GMEB1: variants seen among roughly 807,000 people sequenced by gnomAD.
GMEB1 encodes glucocorticoid modulatory element-binding protein 1.
In GMEB1, 6 loss-of-function variants were observed where a neutral mutation model predicts 52.4. The ratio of observed to expected loss-of-function variants is 0.11; its 90% confidence interval spans 0.06 to 0.23. GMEB1 has a LOEUF of 0.23. GMEB1 is among the 10% of genes least tolerant of loss of function. GMEB1 has a pLI of 1.00. For missense variants in GMEB1, 486 were observed against 685.6 expected (o/e 0.71, Z 3.25); for synonymous variants, 255 against 244.9 (o/e 1.04, Z -0.38).
rs566728569 is a variant in GMEB1 at position 28,711,265 on chromosome 1, G to A, written c.991+623G>A. On this transcript the variant is annotated intron_variant, in intron 9 of 9. Coordinates refer to ENST00000373816, the MANE Select transcript of GMEB1 (RefSeq NM_001319674.2). ...AGTGCCATTGTACTCCATCCTGAGGGACAAGAACGAGACTCTGTCTCAAAA... is the reference window on the plus strand; with the variant it reads ...AGTGCCATTGTACTCCATCCTGAGGAACAAGAACGAGACTCTGTCTCAAAA... Among the ~76,000 whole-genome samples, 18 of 145,202 alleles carry A rather than the reference G, an allele frequency of 1.2e-4. No homozygotes were observed. The East Asian group carries it at 3.7e-3, about 29-fold the overall frequency.
chr1:28,714,056 T>A lies in GMEB1; in HGVS notation c.992-17T>A. Reference sequence around the variant, plus strand: ...TTTTACTTCCCTCTACACAAAGTCTTTTCTTTTTTTCCATAGACTTGGAAC... The same window carrying A: ...TTTTACTTCCCTCTACACAAAGTCTATTCTTTTTTTCCATAGACTTGGAAC... On this transcript the variant is annotated splice_polypyrimidine_tract_variant and intron_variant, in intron 9 of 9. Transcript: ENST00000373816. 6.3e-7 allele frequency: 1 copy of A among 1,585,072 alleles called. No individual in the cohort carries two copies. Among genetic ancestry groups the A allele is most frequent in the South Asian group, 1.1e-5 (1 of 89,754 alleles).
At chr1:28,697,200 TG>T in intron 6 of GMEB1, 116 bp downstream of exon 6, 1 of 205,576 alleles carries the variant, frequency 4.9e-6, no homozygotes, top group Non-Finnish European at 9.5e-6. Context: ...TATATATATA[TG>T]TATTTTTTTA....
At chr1:28,668,760 T>TAGCTGCCGTGGCGGC (rs1553133564), upstream of GMEB1, 3 of 151,558 alleles carry the variant, frequency 2.0e-5, no homozygotes, top group African/African-American at 4.9e-5. Flanking sequence ...GCGGTGGCGG[T>TAGCTGCCGTGGCGGC]AGCTGCCGTG....
Position 28,701,992 on chromosome 1 carries a change from A to C in GMEB1, c.599-446A>C, listed in dbSNP as rs538065295. Among the ~76,000 whole-genome samples, 7 of 152,280 alleles carry C rather than the reference A, an allele frequency of 4.6e-5. 1 individual carries two copies. In the South Asian group the frequency reaches 1.5e-3, roughly 32 times the overall value. On this transcript the variant is annotated intron_variant, in intron 6 of 9. Transcript: ENST00000373816. ...CTTTATAGGCTAATAAATAAGTTAG[A>C]TGCTTAGCATCAGACTTGCTTGTAG... is the stretch of plus-strand genomic sequence containing the variant.
chr1:28,699,485 A>G (rs867030147), intron 6 of GMEB1, among the ~76,000 whole-genome samples: 2 of 151,882 alleles, frequency 1.3e-5, no homozygotes, highest in Non-Finnish European at 2.9e-5. Context: ...GCTGGAGTGC[A>G]ATGGTGCAAT....
chr1:28,696,203 A>T (rs1021950451), intron 5 of GMEB1, among the ~76,000 whole-genome samples: 2 of 151,698 alleles, frequency 1.3e-5, no homozygotes, highest in African/African-American at 2.4e-5. Flanking sequence ...ATTAGCTGGG[A>T]CTACAGGCCT....
chr1:28,678,429 C>G (rs914194377), intron 1 of GMEB1, among the ~76,000 whole-genome samples: 18 of 151,818 alleles, frequency 1.2e-4, no homozygotes, highest in African/African-American at 4.1e-4. Context: ...CCTGCCTCAG[C>G]CTCCCGAGTA....
intron 2 of GMEB1, among the ~76,000 whole-genome samples, chr1:28,687,334 T>TCACACACA (rs1161076315): frequency 1.5e-4 from 8 of 54,118 alleles, no homozygotes; most frequent in African/African-American, 4.3e-4. Flanking sequence ...AGACCCTATC[T>TCACACACA]CACACACACA....
In GMEB1 at chr1:28,717,402, C is replaced by T. The variant is rs574421907; in HGVS notation, c.*2629C>T. On this transcript the variant is annotated 3_prime_UTR_variant, in exon 10 of 10. Coordinates refer to ENST00000373816, the MANE Select transcript of GMEB1 (RefSeq NM_001319674.2). The stretch of plus-strand genomic sequence containing the variant: ...ACGGGGTTTTGCCATGTTGGCCAGG[C>T]TGGTCTTGAACTCCTGACCTCAAGC... 2.0e-5 allele frequency: 3 copies of T among 152,330 alleles called. No homozygotes were observed. The highest frequency in any genetic ancestry group is 7.2e-5 in the African/African-American group (3 of 41,576). 9.4% of individuals were successfully genotyped at this position (152,330 alleles called of 1,614,324 possible).
rs1424768102 is a variant in GMEB1, at chr1:28,715,153, G to T, written c.*380G>T. The T allele has an allele frequency of 1.6e-5, 3 of 187,350 alleles. No individual in the cohort carries two copies. In the East Asian group the frequency reaches 3.8e-4, roughly 24 times the overall value. The allele number at this position is 187,350 out of a possible 1,614,324, so 11.6% of individuals were successfully genotyped here. On this transcript the variant is annotated 3_prime_UTR_variant, in exon 10 of 10. Transcript: ENST00000373816. ...TGACCAAACTCTGGAACACAGATCT[G>T]ACACTGGAAGGCAACCCACTCGCAT...
intron 8 of GMEB1, among the ~76,000 whole-genome samples, chr1:28,706,135 A>G (rs1670751700): frequency 6.6e-6 from 1 of 150,684 alleles, no homozygotes; most frequent in South Asian, 2.1e-4. Context: ...GCCCAAGCGG[A>G]AGAGCGAGAG....
chr1:28,706,871 T>G (rs998989921), intron 8 of GMEB1, among the ~76,000 whole-genome samples: 8 of 151,840 alleles, frequency 5.3e-5, no homozygotes, highest in African/African-American at 1.9e-4. Flanking sequence ...TTCACCATGT[T>G]GGCCAGGCTC....
Position 28,714,494 on chromosome 1 carries a change from T to A in GMEB1, c.1413T>A (p.Asp471Glu). The A allele has an allele frequency of 6.2e-7, 1 of 1,614,160 alleles. No homozygotes were observed. The highest frequency in any genetic ancestry group is 1.1e-5 in the South Asian group (1 of 91,082). The change falls in exon 10 of 10, where the codon GAT becomes GAA. Residue 471 changes from aspartate (D) to glutamate (E), a missense_variant. Transcript: ENST00000373816. ...LALLSSTAMQ[D>E]GSTLGNMTTM... ...TGCTGAGCTCTACTGCCATGCAGGATGGGAGTACACTGGGCAACATGACCA... is the reference window on the plus strand; with the variant it reads ...TGCTGAGCTCTACTGCCATGCAGGAAGGGAGTACACTGGGCAACATGACCA...
At chr1:28,702,148 C>A (rs947397381) in intron 6 of GMEB1, among the ~76,000 whole-genome samples, 2 of 152,114 alleles carry the variant, frequency 1.3e-5, no homozygotes, top group African/African-American at 4.8e-5. Context: ...CAATCTCTTT[C>A]AAAAACATAC....
At chr1:28,690,985 AAAAT>A (rs1304008700) in intron 3 of GMEB1, among the ~76,000 whole-genome samples, 2 of 151,744 alleles carry the variant, frequency 1.3e-5, no homozygotes, top group African/African-American at 2.4e-5. Flanking sequence ...CATCCTAAAA[AAAAT>A]AAATAAATAA....
At chr1:28,677,710 C>T (rs1361698739) in intron 1 of GMEB1, among the ~76,000 whole-genome samples, 1 of 152,052 alleles carries the variant, frequency 6.6e-6, no homozygotes, top group Admixed American at 6.6e-5. Flanking sequence ...TTCAGTTATT[C>T]TAGGATTAGA....
intron 1 of GMEB1, among the ~76,000 whole-genome samples, chr1:28,674,621 C>T (rs529893153): frequency 7.2e-5 from 11 of 151,944 alleles, no homozygotes; most frequent in African/African-American, 2.4e-4. Flanking sequence ...CTCTTAACTC[C>T]CGACCTCAGG....
At chr1:28,696,904 A>G in intron 5 of GMEB1, 23 bp from the exon 6 acceptor site, 2 of 1,580,360 alleles carry the variant, frequency 1.3e-6, no homozygotes, top group Non-Finnish European at 1.7e-6. Context: ...CTGAACTGGT[A>G]CTTCTTGTCT....
chr1:28,716,750 G>C lies in GMEB1; in HGVS notation c.*1977G>C, dbSNP rs530900574. The stretch of plus-strand genomic sequence containing the variant: ...GTCAATAATAATGCTTTGGGGGGGG[G>C]GGTTATTTTGTTTTGTTTTGTTTTT... On this transcript the variant is annotated 3_prime_UTR_variant, in exon 10 of 10. Coordinates refer to ENST00000373816, the MANE Select transcript of GMEB1 (RefSeq NM_001319674.2). The C allele has an allele frequency of 2.7e-5, 4 of 149,948 alleles. No homozygotes were observed. In the South Asian group the frequency reaches 6.5e-4, roughly 24 times the overall value. 9.3% of individuals were successfully genotyped at this position (149,948 alleles called of 1,614,324 possible). A position where few individuals can be genotyped will look rare whatever the true frequency, so the allele number is the denominator to read the frequency against.
Sources: gnomAD v4.1 joint callset for allele counts (sites outside exome capture counted in the v4.1 genomes callset) on GRCh38, gnomAD v4.1.1 for gene constraint, MANE v1.5 for transcripts, NCBI Gene and HGNC (gene_info 2026-07-23, HGNC 2026-07-21) for gene names.